DNAH14: variants seen among roughly 807,000 people sequenced by gnomAD.
The protein encoded by DNAH14 is dynein axonemal heavy chain 14.
A neutral mutation model predicts 520.9 loss-of-function variants in DNAH14; 478 were observed. The ratio of observed to expected loss-of-function variants is 0.92; its 90% CI spans 0.85 to 0.99. The LOEUF (loss-of-function observed/expected upper bound fraction) is 0.99, where lower values mean the gene tolerates loss of function less well. Among genes scored for constraint, DNAH14 ranks in the 50% least tolerant of loss-of-function variants. DNAH14 has a pLI of 0.00. For missense variants in DNAH14, 4,831 were observed against 5,234.5 expected (o/e 0.92, Z 2.38); for synonymous variants, 1,581 against 1,757.2 (o/e 0.90, Z 2.51).
chr1:225,142,915 G>C (rs1047719380), intron 28 of DNAH14, among the ~76,000 whole-genome samples: 2 of 152,052 alleles, frequency 1.3e-5, no homozygotes, highest in Non-Finnish European at 2.9e-5. Flanking sequence ...GACAGAGCAA[G>C]ACTCCATCTC....
At chr1:224,973,410 A>G (rs2061619165) in intron 7 of DNAH14, among the ~76,000 whole-genome samples, 1 of 152,176 alleles carries the variant, frequency 6.6e-6, no homozygotes, top group Non-Finnish European at 1.5e-5. Flanking sequence ...TTTCCTCTAG[A>G]TGCAAAGGCT....
chr1:224,994,093 G>A (rs1458212882), intron 8 of DNAH14, among the ~76,000 whole-genome samples: 2 of 151,926 alleles, frequency 1.3e-5, no homozygotes, highest in Admixed American at 6.6e-5. Flanking sequence ...TTGTTTTGTG[G>A]CCTAACATGT....
chr1:225,305,595 G>A (rs1379622161), intron 58 of DNAH14, among the ~76,000 whole-genome samples: 1 of 152,134 alleles, frequency 6.6e-6, no homozygotes. Flanking sequence ...CAGGAAGATG[G>A]GGAAATGAGT....
At chr1:225,367,503 C>T (rs569304636) in intron 76 of DNAH14, among the ~76,000 whole-genome samples, 1 of 152,312 alleles carries the variant, frequency 6.6e-6, no homozygotes, top group African/African-American at 2.4e-5. Context: ...CATAACTCTT[C>T]ATTGTCAAAG....
intron 12 of DNAH14, among the ~76,000 whole-genome samples, chr1:225,041,096 G>A (rs1396611732): frequency 6.6e-6 from 1 of 152,226 alleles, no homozygotes; most frequent in Non-Finnish European, 1.5e-5. Context: ...GACACAGGCT[G>A]CATGAACGAG....
In DNAH14 at chr1:225,206,041, G is replaced by C; in HGVS notation, c.6048G>C (p.Val2016=). The C allele has an allele frequency of 6.4e-7, 1 of 1,551,630 alleles. No homozygotes were observed. The highest frequency in any genetic ancestry group is 1.2e-5 in the South Asian group (1 of 84,056). Residue 2016 remains valine, a synonymous_variant, in exon 40 of 86, where the codon GTG becomes GTC. Coordinates refer to ENST00000682510, the MANE Select transcript of DNAH14 (RefSeq NM_001367479.1). ...TTTGGGTAGAAAATCTGAACTCTGT[G>C]CTAGATGATACTAGAACATTGTGCC... The part of the protein sequence containing the change: ...DTFWVENLNS[V]LDDTRTLCLA...
At chr1:225,268,431 C>T (rs1370501427) in intron 49 of DNAH14, among the ~76,000 whole-genome samples, 2 of 152,194 alleles carry the variant, frequency 1.3e-5, no homozygotes, top group Non-Finnish European at 2.9e-5. Flanking sequence ...GACAGGGATG[C>T]CCTCTCTAAC....
chr1:225,137,154 A>G (rs1190587601), intron 27 of DNAH14, among the ~76,000 whole-genome samples: 1 of 152,160 alleles, frequency 6.6e-6, no homozygotes, highest in African/African-American at 2.4e-5. Context: ...ATTTCTGCCA[A>G]TTCATGTATC....
At chr1:225,106,416 T>C (rs895985727) in intron 23 of DNAH14, among the ~76,000 whole-genome samples, 1 of 152,064 alleles carries the variant, frequency 6.6e-6, no homozygotes, top group African/African-American at 2.4e-5. Flanking sequence ...TTGCTGAAGT[T>C]GAATGTTGGC....
chr1:225,391,813 A>G (rs2095917532), intron 83 of DNAH14, among the ~76,000 whole-genome samples: 1 of 152,068 alleles, frequency 6.6e-6, no homozygotes, highest in African/African-American at 2.4e-5. Context: ...CCATGCACCC[A>G]GGGGGAAACA....
At chr1:225,168,291 G>A (rs377022506) in intron 36 of DNAH14, among the ~76,000 whole-genome samples, 5 of 152,160 alleles carry the variant, frequency 3.3e-5, no homozygotes, top group South Asian at 4.1e-4. Flanking sequence ...CGGGTTCATC[G>A]CACTGGGGAT....
At chr1:225,128,604 C>T (rs2078030970) in intron 27 of DNAH14, among the ~76,000 whole-genome samples, 1 of 151,248 alleles carries the variant, frequency 6.6e-6, no homozygotes, top group African/African-American at 2.5e-5. Flanking sequence ...AGGCCTTTGA[C>T]AAAATTCAAC....
At chr1:225,271,554 T>C (rs1287956262) in intron 50 of DNAH14, among the ~76,000 whole-genome samples, 2 of 152,156 alleles carry the variant, frequency 1.3e-5, no homozygotes, top group African/African-American at 2.4e-5. Flanking sequence ...GGTAATAGTT[T>C]TGTCAGTTTA....
intron 8 of DNAH14, among the ~76,000 whole-genome samples, chr1:224,979,002 A>G (rs775322142): frequency 1.3e-5 from 2 of 152,184 alleles, no homozygotes; most frequent in African/African-American, 2.4e-5. Context: ...TGAGGTGATG[A>G]ATATGCTAAT....
intron 73 of DNAH14, chr1:225,354,173 G>A (rs1163826712): frequency 2.8e-6 from 2 of 702,028 alleles, no homozygotes; most frequent in East Asian, 5.4e-5. Context: ...TGCCTATAAA[G>A]AACATACTTT....
At chr1:225,379,785 A>G (rs1009497093) in intron 79 of DNAH14, among the ~76,000 whole-genome samples, 1 of 152,144 alleles carries the variant, frequency 6.6e-6, no homozygotes, top group African/African-American at 2.4e-5. Flanking sequence ...TCGGCCTCCC[A>G]AATTGCAGGG....
chr1:225,360,626 A>T (rs1288045029), intron 74 of DNAH14, 55 bp from the exon 75 acceptor site: 2 of 1,426,236 alleles, frequency 1.4e-6, no homozygotes. Context: ...TGTGATTTTT[A>T]AAAGGGAATT....
intron 8 of DNAH14, among the ~76,000 whole-genome samples, chr1:224,999,101 C>T (rs981215975): frequency 6.6e-6 from 1 of 151,766 alleles, no homozygotes; most frequent in Non-Finnish European, 1.5e-5. Context: ...TTAGTGTTTA[C>T]ACAATATATC....
chr1:225,198,433 G>C (rs1439306418), intron 38 of DNAH14, among the ~76,000 whole-genome samples: 2 of 152,024 alleles, frequency 1.3e-5, no homozygotes, highest in African/African-American at 4.8e-5. Context: ...TAGCCAGGAT[G>C]GTCTCAATCT....
Sources: allele counts gnomAD v4.1 joint callset (sites outside exome capture counted in the v4.1 genomes callset), GRCh38; gene constraint gnomAD v4.1.1; transcripts MANE v1.5; gene names NCBI Gene and HGNC (gene_info 2026-07-23, HGNC 2026-07-21).